Variants in TXNRD1 observed in about 807,000 individuals in gnomAD.
The protein encoded by TXNRD1 is thioredoxin reductase 1, cytoplasmic.
A neutral mutation model predicts 80.3 loss-of-function variants in TXNRD1; 57 were observed. That is an observed-to-expected ratio of 0.71 (90% CI 0.57 to 0.89). The LOEUF (loss-of-function observed/expected upper bound fraction) is 0.89. Ranked by LOEUF, TXNRD1 falls within the 40% of genes least tolerant of loss-of-function variation. The pLI is 0.00. For missense variants in TXNRD1, 730 were observed against 803.0 expected (o/e 0.91, Z 1.10); for synonymous variants, 291 against 285.2 (o/e 1.02, Z -0.20).
chr12:104,333,534 AATTAT>A (rs1175289826), intron 14 of TXNRD1, among the ~76,000 whole-genome samples: 4 of 152,046 alleles, frequency 2.6e-5, no homozygotes, highest in African/African-American at 7.2e-5. Context: ...TTATTTTTAA[AATTAT>A]ATTATTTATC....
At chr12:104,237,521 G>A (rs966653289) in intron 1 of TXNRD1, among the ~76,000 whole-genome samples, 1 of 152,180 alleles carries the variant, frequency 6.6e-6, no homozygotes, top group South Asian at 2.1e-4. Context: ...TTTGCCTTCA[G>A]TTGTGCCTGC....
chr12:104,246,757 G>T (rs1212854804), intron 1 of TXNRD1, among the ~76,000 whole-genome samples: 3 of 151,884 alleles, frequency 2.0e-5, no homozygotes, highest in Non-Finnish European at 2.9e-5. Flanking sequence ...TCCTGACTTT[G>T]TGATCCGCCC....
At chr12:104,297,529 C>G (rs1317310919) in intron 4 of TXNRD1, among the ~76,000 whole-genome samples, 1 of 151,810 alleles carries the variant, frequency 6.6e-6, no homozygotes, top group African/African-American at 2.4e-5. Context: ...CCACGTCTGG[C>G]TAATTTTGTA....
At chr12:104,331,446 TC>T in intron 13 of TXNRD1, 87 bp from the exon 14 acceptor site, 1 of 759,350 alleles carries the variant, frequency 1.3e-6, no homozygotes, top group Admixed American at 2.6e-5. Context: ...TACTCTTATA[TC>T]CTTTGTCAAT....
At chr12:104,260,163 G>A (rs973217235) in intron 3 of TXNRD1, among the ~76,000 whole-genome samples, 12 of 151,588 alleles carry the variant, frequency 7.9e-5, no homozygotes, top group Non-Finnish European at 1.3e-4. Flanking sequence ...GAGAAACCCC[G>A]TCTGTACTAA....
chr12:104,348,376 C>G lies in TXNRD1; in HGVS notation c.1905C>G (p.Thr635=). 3 of 1,614,010 alleles carry G rather than the reference C, an allele frequency of 1.9e-6. No homozygotes were observed. In the South Asian group the frequency reaches 3.3e-5, roughly 18 times the overall value. The change falls in exon 17 of 17, where the codon ACC becomes ACG. Residue 635 remains threonine (T), a synonymous_variant. Coordinates refer to ENST00000525566, the MANE Select transcript of TXNRD1 (RefSeq NM_001093771.3). ...CAEVFTTLSV[T]KRSGASILQA... ...AGGTATTCACAACATTGTCTGTGACCAAGCGCTCTGGGGCAAGCATCCTCC... is the reference window on the plus strand; with the variant it reads ...AGGTATTCACAACATTGTCTGTGACGAAGCGCTCTGGGGCAAGCATCCTCC...
chr12:104,328,163 TAA>T (rs79602587), intron 13 of TXNRD1, among the ~76,000 whole-genome samples: 1 of 131,786 alleles, frequency 7.6e-6, no homozygotes, highest in African/African-American at 2.9e-5. Context: ...AGACTCCATC[TAA>T]AAAAAAAAAT....
intron 1 of TXNRD1, among the ~76,000 whole-genome samples, chr12:104,239,222 T>C (rs1180649356): frequency 1.5e-4 from 23 of 150,304 alleles, no homozygotes; most frequent in Non-Finnish European, 2.5e-4. Flanking sequence ...AGACGGAGTT[T>C]CGCTCTTGCT....
At chr12:104,293,737 A>G (rs541360222) in intron 4 of TXNRD1, among the ~76,000 whole-genome samples, 3 of 152,192 alleles carry the variant, frequency 2.0e-5, no homozygotes, top group Admixed American at 2.0e-4. Context: ...ATAAAGACAC[A>G]AGACAAAGAG....
At chr12:104,243,369 T>C (rs1565859295) in intron 1 of TXNRD1, among the ~76,000 whole-genome samples, 1 of 152,220 alleles carries the variant, frequency 6.6e-6, no homozygotes, top group Non-Finnish European at 1.5e-5. Flanking sequence ...TTTCTTGTCT[T>C]CACTTGATTT....
intron 1 of TXNRD1, among the ~76,000 whole-genome samples, chr12:104,242,915 C>T (rs1160507272): frequency 6.6e-6 from 1 of 152,188 alleles, no homozygotes; most frequent in Non-Finnish European, 1.5e-5. Context: ...CACGCAGCCA[C>T]TGAATCCTGG....
intron 1 of TXNRD1, among the ~76,000 whole-genome samples, chr12:104,241,038 GTT>G (rs1315164807): frequency 7.1e-6 from 1 of 140,436 alleles, no homozygotes; most frequent in African/African-American, 2.6e-5. Flanking sequence ...ACTGCGCCCA[GTT>G]TTTTTTTTTC....
chr12:104,309,532 G>A (rs2035051237), intron 4 of TXNRD1, among the ~76,000 whole-genome samples: 1 of 152,180 alleles, frequency 6.6e-6, no homozygotes, highest in Admixed American at 6.5e-5. Context: ...GCCAGTTATT[G>A]TGTTCTGTCA....
chr12:104,323,817 C>G (rs1018873203), intron 10 of TXNRD1, among the ~76,000 whole-genome samples: 15 of 150,884 alleles, frequency 9.9e-5, no homozygotes, highest in Non-Finnish European at 1.5e-4. Flanking sequence ...CTGACCCCCC[C>G]CCACCTCCCT....
chr12:104,225,880 G>A (rs1001954037), intron 1 of TXNRD1, among the ~76,000 whole-genome samples: 2 of 151,992 alleles, frequency 1.3e-5, no homozygotes, highest in South Asian at 4.2e-4. Context: ...CTTTTTAGTG[G>A]ATTACCAGTA....
intron 16 of TXNRD1, among the ~76,000 whole-genome samples, chr12:104,341,112 C>T (rs1200867768): frequency 6.6e-6 from 1 of 152,084 alleles, no homozygotes; most frequent in Non-Finnish European, 1.5e-5. Context: ...CAGAAGGATG[C>T]AGTGAGGACA....
chr12:104,221,949 G>A (rs1292855864), intron 1 of TXNRD1, among the ~76,000 whole-genome samples: 1 of 152,182 alleles, frequency 6.6e-6, no homozygotes, highest in Non-Finnish European at 1.5e-5. Flanking sequence ...GGAGACTGGG[G>A]TGGACTGAGG....
At chr12:104,331,503 A>G (rs777097037) in intron 13 of TXNRD1, 31 bp from the exon 14 acceptor site, 5 of 1,442,464 alleles carry the variant, frequency 3.5e-6, no homozygotes, top group East Asian at 2.3e-5. Flanking sequence ...AACTTTGCCT[A>G]TTATAACTCC....
intron 3 of TXNRD1, among the ~76,000 whole-genome samples, chr12:104,258,887 A>C (rs538217287): frequency 6.6e-6 from 1 of 152,142 alleles, no homozygotes; most frequent in African/African-American, 2.4e-5. Flanking sequence ...CTATGATTGC[A>C]CCATTGCACT....
Sources: allele counts gnomAD v4.1 joint callset (sites outside exome capture counted in the v4.1 genomes callset), GRCh38; gene constraint gnomAD v4.1.1; transcripts MANE v1.5; gene names NCBI Gene and HGNC (gene_info 2026-07-23, HGNC 2026-07-21).